Variants in CSGALNACT1 observed in about 807,000 individuals in gnomAD.
The protein encoded by CSGALNACT1 is beta4GalNAcT-1.
A neutral mutation model predicts 51.0 loss-of-function variants in CSGALNACT1; 52 were observed. The ratio of observed to expected loss-of-function variants is 1.02; its 90% CI spans 0.82 to 1.29. The LOEUF is 1.29. Among genes scored for constraint, CSGALNACT1 ranks in the 50% most tolerant of loss-of-function variants. The probability of loss-of-function intolerance (pLI) is 0.00; values close to 1 mark genes in which losing one functional copy is unlikely to be tolerated. For missense variants in CSGALNACT1, 935 were observed against 679.2 expected (o/e 1.38, Z -4.19); for synonymous variants, 341 against 254.4 (o/e 1.34, Z -3.24).
intron 1 of CSGALNACT1, among the ~76,000 whole-genome samples, chr8:19,725,692 G>C (rs2063361374): frequency 6.6e-6 from 1 of 151,954 alleles, no homozygotes; most frequent in Non-Finnish European, 1.5e-5. Flanking sequence ...CAAAGTGCTG[G>C]GATTACAGGA....
At chr8:19,419,174 C>G (rs944737076) in intron 7 of CSGALNACT1, among the ~76,000 whole-genome samples, 2 of 152,298 alleles carry the variant, frequency 1.3e-5, no homozygotes, top group East Asian at 3.9e-4. Flanking sequence ...TCCCTTGACT[C>G]AACTCTAAAA....
chr8:19,520,567 T>G (rs2080452380), intron 3 of CSGALNACT1, among the ~76,000 whole-genome samples: 1 of 152,248 alleles, frequency 6.6e-6, no homozygotes, highest in Non-Finnish European at 1.5e-5. Flanking sequence ...TTCATGCCTG[T>G]AAAGAAATGT....
chr8:19,459,493 G>T (rs1197967993), intron 4 of CSGALNACT1, among the ~76,000 whole-genome samples: 1 of 151,860 alleles, frequency 6.6e-6, no homozygotes, highest in Admixed American at 6.6e-5. Context: ...GGTCACATGG[G>T]TTGGGGGACC....
intron 3 of CSGALNACT1, among the ~76,000 whole-genome samples, chr8:19,563,495 G>C (rs967847588): frequency 6.6e-6 from 1 of 152,076 alleles, no homozygotes; most frequent in Admixed American, 6.5e-5. Context: ...GGCTGACCTG[G>C]AGTCGCCTTT....
intron 3 of CSGALNACT1, among the ~76,000 whole-genome samples, chr8:19,530,906 T>C (rs1359967164): frequency 6.6e-6 from 1 of 152,052 alleles, no homozygotes. Context: ...GTGTGTGGAG[T>C]TACTGCCTCT....
chr8:19,484,941 G>A (rs979837948), intron 4 of CSGALNACT1, among the ~76,000 whole-genome samples: 1 of 152,050 alleles, frequency 6.6e-6, no homozygotes, highest in African/African-American at 2.4e-5. Flanking sequence ...AGTGAGAGGG[G>A]GTGGTCCTAT....
chr8:19,505,928 C>G (rs780423893), exon 4 of CSGALNACT1: 3 of 1,513,158 alleles, frequency 2.0e-6, no homozygotes, highest in South Asian at 1.1e-5. Context: ...AGGAAGCATG[C>G]GTTTGGGGCC....
intron 3 of CSGALNACT1, among the ~76,000 whole-genome samples, chr8:19,545,062 G>A (rs972961124): frequency 1.3e-4 from 20 of 151,792 alleles, no homozygotes; most frequent in Non-Finnish European, 2.5e-4. Context: ...ACGACACAGC[G>A]ACTCCTGGGA....
intron 3 of CSGALNACT1, among the ~76,000 whole-genome samples, chr8:19,552,034 T>C (rs1475683592): frequency 6.6e-6 from 1 of 152,184 alleles, no homozygotes; most frequent in Non-Finnish European, 1.5e-5. Flanking sequence ...ATTACATCAA[T>C]TTTTTAGTCT....
chr8:19,589,586 C>A (rs1466955471), intron 3 of CSGALNACT1, among the ~76,000 whole-genome samples: 1 of 152,152 alleles, frequency 6.6e-6, no homozygotes, highest in African/African-American at 2.4e-5. Context: ...CCACCTTGGC[C>A]TCCAAAAGTG....
chr8:19,409,776 T>G (rs2055262087), intron 8 of CSGALNACT1, among the ~76,000 whole-genome samples: 1 of 152,232 alleles, frequency 6.6e-6, no homozygotes, highest in East Asian at 1.9e-4. Context: ...AAACGGTACA[T>G]GAGAGGGGAG....
At chr8:19,436,073 C>A (rs2060324005) in intron 6 of CSGALNACT1, among the ~76,000 whole-genome samples, 2 of 152,108 alleles carry the variant, frequency 1.3e-5, no homozygotes, top group Non-Finnish European at 2.9e-5. Flanking sequence ...TGATCTATAG[C>A]AATCAACTGA....
In CSGALNACT1 at chr8:19,625,647, G is replaced by C. The variant is rs549776691; in HGVS notation, c.-543-23782C>G. 7.9e-5 allele frequency among the ~76,000 whole-genome samples: 12 copies of C among 152,300 alleles called. No individual in the cohort carries two copies. The East Asian group carries it at 2.1e-3, about 27-fold the overall frequency. Reference sequence around the variant, plus strand: ...CCCAAGCTGACTCTATACTATAGCGGATCATGCTGTCTCTGCAACACAACA... The same window carrying C: ...CCCAAGCTGACTCTATACTATAGCGCATCATGCTGTCTCTGCAACACAACA... On this transcript the variant is annotated intron_variant, in intron 1 of 9. Coordinates refer to the CSGALNACT1 transcript ENST00000332246.
At chr8:19,656,841 G>C (rs533416613) in intron 1 of CSGALNACT1, among the ~76,000 whole-genome samples, 1 of 152,082 alleles carries the variant, frequency 6.6e-6, no homozygotes, top group African/African-American at 2.4e-5. Flanking sequence ...GCCAAGGCGC[G>C]TGGATCACAA....
At chr8:19,588,487 T>TTGTAAA (rs1243787048) in intron 3 of CSGALNACT1, among the ~76,000 whole-genome samples, 15 of 152,334 alleles carry the variant, frequency 9.8e-5, no homozygotes, top group African/African-American at 3.6e-4. Context: ...CAAATACTGA[T>TTGTAAA]TACCTAAATG....
chr8:19,477,519 T>C (rs2070050241), intron 4 of CSGALNACT1, among the ~76,000 whole-genome samples: 2 of 152,220 alleles, frequency 1.3e-5, no homozygotes. Flanking sequence ...TTTAACTTCT[T>C]GGCATACTCT....
chr8:19,671,527 T>A lies in CSGALNACT1; in HGVS notation c.-544+10946A>T, dbSNP rs190481896. On this transcript the variant is annotated intron_variant, in intron 1 of 9. Coordinates refer to the CSGALNACT1 transcript ENST00000332246. The stretch of plus-strand genomic sequence containing the variant: ...ATTTATTCACCAAGTACAGTATTTA[T>A]CAGAATCTGCTACACCCCAAATGTT... 8.5e-4 allele frequency among the ~76,000 whole-genome samples: 130 copies of A among 152,338 alleles called. 1 individual carries two copies. The highest frequency in any genetic ancestry group is 2.4e-3 in the Admixed American group (37 of 15,302).
chr8:19,561,225 C>A (rs2040636470), intron 3 of CSGALNACT1, among the ~76,000 whole-genome samples: 1 of 152,112 alleles, frequency 6.6e-6, no homozygotes, highest in Non-Finnish European at 1.5e-5. Context: ...ATCTGTCAAT[C>A]TTCTGTGTTA....
At chr8:19,634,401 T>C (rs10103214) in intron 1 of CSGALNACT1, among the ~76,000 whole-genome samples, 36,235 of 152,102 alleles carry the variant, frequency 0.24, 5,091 homozygotes, top group Admixed American at 0.33. Flanking sequence ...TGGTGGCTCA[T>C]GCCTGTAATC....
Sources: gnomAD v4.1 joint callset for allele counts (sites outside exome capture counted in the v4.1 genomes callset) on GRCh38, gnomAD v4.1.1 for gene constraint, MANE v1.5 for transcripts, NCBI Gene and HGNC (gene_info 2026-07-23, HGNC 2026-07-21) for gene names.